SEPTIN7: variants seen among roughly 807,000 people sequenced by gnomAD.
SEPTIN7 encodes the protein septin 7.
SEPTIN7 carries 10 observed loss-of-function variants against 63.3 expected under a neutral mutation model. That is an observed-to-expected ratio of 0.16 (90% CI 0.10 to 0.27). The LOEUF (loss-of-function observed/expected upper bound fraction) is 0.27, where lower values mean the gene tolerates loss of function less well. Ranked by LOEUF, SEPTIN7 falls within the 10% of genes least tolerant of loss-of-function variation. SEPTIN7 has a pLI of 1.00. For synonymous variants in SEPTIN7, 131 were observed against 165.3 expected, an observed-to-expected ratio of 0.79 and a Z score of 1.59; for missense variants, 310 against 521.0, an observed-to-expected ratio of 0.59 and a Z score of 3.94.
intron 6 of SEPTIN7, among the ~76,000 whole-genome samples, chr7:35,877,049 A>G (rs1215610812): frequency 6.6e-6 from 1 of 152,106 alleles, no homozygotes; most frequent in Non-Finnish European, 1.5e-5. Flanking sequence ...ATTGGAGGCT[A>G]TGGTGAGCTA....
At chr7:35,880,712 G>A (rs575002279) in intron 7 of SEPTIN7, among the ~76,000 whole-genome samples, 7 of 151,804 alleles carry the variant, frequency 4.6e-5, no homozygotes, top group East Asian at 1.9e-4. Context: ...TGCACTTTAC[G>A]GGATATTTAT....
intron 6 of SEPTIN7, among the ~76,000 whole-genome samples, chr7:35,877,747 C>T (rs1300310385): frequency 6.6e-6 from 1 of 152,074 alleles, no homozygotes; most frequent in African/African-American, 2.4e-5. Flanking sequence ...TTTTTGTCAA[C>T]AAATATTTGG....
At chr7:35,829,516 G>T (rs1783716161) in intron 1 of SEPTIN7, among the ~76,000 whole-genome samples, 1 of 152,118 alleles carries the variant, frequency 6.6e-6, no homozygotes, top group Non-Finnish European at 1.5e-5. Context: ...GACTGTTCTT[G>T]TTGCTAAGGA....
intron 1 of SEPTIN7, among the ~76,000 whole-genome samples, chr7:35,824,073 C>G (rs1268173388): frequency 4.1e-5 from 6 of 145,572 alleles, no homozygotes; most frequent in Middle Eastern, 3.5e-3. Flanking sequence ...TCCTGTTGTT[C>G]TTCTCTTCAA....
At chr7:35,868,530 T>G (rs1310925037) in intron 4 of SEPTIN7, among the ~76,000 whole-genome samples, 1 of 151,886 alleles carries the variant, frequency 6.6e-6, no homozygotes, top group Non-Finnish European at 1.5e-5. Flanking sequence ...CTTGGCAAGG[T>G]AAATTTTAAT....
At chr7:35,882,448 A>T in intron 7 of SEPTIN7, 36 bp from the exon 8 acceptor site, 1 of 1,400,252 alleles carries the variant, frequency 7.1e-7, no homozygotes, top group Non-Finnish European at 9.5e-7. Flanking sequence ...CTAATTATGT[A>T]TGGTGCTCTT....
chr7:35,890,554 T>G, intron 10 of SEPTIN7, 114 bp from the exon 11 acceptor site: 2 of 924,224 alleles, frequency 2.2e-6, no homozygotes, highest in Non-Finnish European at 2.9e-6. Flanking sequence ...CTTTTGTTCA[T>G]TTTAAATCTG....
chr7:35,839,417 A>G (rs1449705017), intron 3 of SEPTIN7, among the ~76,000 whole-genome samples: 1 of 152,252 alleles, frequency 6.6e-6, no homozygotes, highest in Non-Finnish European at 1.5e-5. Flanking sequence ...ATAATGCTGC[A>G]ATAAAAATTT....
chr7:35,814,603 T>G (rs1192072292), intron 1 of SEPTIN7, among the ~76,000 whole-genome samples: 1 of 152,204 alleles, frequency 6.6e-6, no homozygotes, highest in Non-Finnish European at 1.5e-5. Flanking sequence ...CTATGGCAGT[T>G]ATTACTGTGC....
At position 35,896,560 on chromosome 7, in the gene SEPTIN7, A is replaced by C. The variant is rs575539029; in HGVS notation, c.999-1688A>C. 1.6e-4 allele frequency among the ~76,000 whole-genome samples: 24 copies of C among 152,316 alleles called. No individual in the cohort carries two copies. The South Asian group carries it at 4.6e-3, about 29-fold the overall frequency. On this transcript the variant is annotated intron_variant, in intron 11 of 13. Transcript: ENST00000350320. Reference sequence around the variant, plus strand: ...GTGTGTGCTCAAGAGATCAGAGGCAACTGTATTAAAAACACCTGCCATTAA... The same window carrying C: ...GTGTGTGCTCAAGAGATCAGAGGCACCTGTATTAAAAACACCTGCCATTAA...
At chr7:35,900,682 A>G (rs896369096) in intron 12 of SEPTIN7, 7 of 152,204 alleles carry the variant, frequency 4.6e-5, no homozygotes, top group Non-Finnish European at 7.3e-5. Flanking sequence ...TTTGAGGCAG[A>G]TGTATTTTAG....
At chr7:35,897,247 T>G (rs1282191828) in intron 11 of SEPTIN7, among the ~76,000 whole-genome samples, 3 of 152,220 alleles carry the variant, frequency 2.0e-5, no homozygotes, top group Non-Finnish European at 2.9e-5. Context: ...ACAAGCATGC[T>G]TTATTAACAA....
intron 3 of SEPTIN7, among the ~76,000 whole-genome samples, chr7:35,846,460 C>T (rs1784671391): frequency 6.6e-6 from 1 of 152,150 alleles, no homozygotes; most frequent in South Asian, 2.1e-4. Context: ...TGTGTGAATG[C>T]TCATATGTGT....
chr7:35,913,405 C>CTCTT, the SEPTIN7 span, among the ~76,000 whole-genome samples: 5 of 149,672 alleles, frequency 3.3e-5, no homozygotes, highest in African/African-American at 4.9e-5. Context: ...TTCTTTCTTT[C>CTCTT]TCTTTCTTTC....
At chr7:35,807,173 T>C (rs62452781) in intron 1 of SEPTIN7, among the ~76,000 whole-genome samples, 2,669 of 152,030 alleles carry the variant, frequency 0.018, 42 homozygotes, top group Non-Finnish European at 0.027. Flanking sequence ...TTTCTGAAAT[T>C]GCTTTTTTAA....
At chr7:35,877,211 A>T (rs566318277) in intron 6 of SEPTIN7, among the ~76,000 whole-genome samples, 49 of 152,298 alleles carry the variant, frequency 3.2e-4, no homozygotes, top group Non-Finnish European at 5.4e-4. Context: ...ATCTACACAC[A>T]CTTTTTTCGT....
downstream of SEPTIN7, among the ~76,000 whole-genome samples, chr7:35,910,661 T>C (rs1788725258): frequency 6.6e-6 from 1 of 152,224 alleles, no homozygotes; most frequent in Non-Finnish European, 1.5e-5. Flanking sequence ...TCAGTTACAA[T>C]GTCAAACAGA....
intron 3 of SEPTIN7, among the ~76,000 whole-genome samples, chr7:35,835,243 T>G (rs1462782068): frequency 6.6e-6 from 1 of 152,124 alleles, no homozygotes; most frequent in Non-Finnish European, 1.5e-5. Flanking sequence ...ATTGCCTTCT[T>G]TTGAAAAGGG....
intron 3 of SEPTIN7, chr7:35,847,827 TA>T (rs1469761034): frequency 2.6e-5 from 4 of 152,264 alleles, no homozygotes; most frequent in Non-Finnish European, 4.4e-5. Flanking sequence ...CGTTTTGGTA[TA>T]TGAGATTTAT....
Sources: allele counts gnomAD v4.1 joint callset (sites outside exome capture counted in the v4.1 genomes callset), GRCh38; gene constraint gnomAD v4.1.1; transcripts MANE v1.5; gene names NCBI Gene and HGNC (gene_info 2026-07-23, HGNC 2026-07-21).